Variants in HDGFL2 observed in about 807,000 individuals in gnomAD.
HDGFL2 encodes the protein HDGF like 2.
Under a neutral mutation model 77.1 loss-of-function variants are expected in HDGFL2, and 36 were observed. The ratio of observed to expected loss-of-function variants is 0.47; its 90% CI spans 0.36 to 0.62. The LOEUF (loss-of-function observed/expected upper bound fraction) is 0.62. Among genes scored for constraint, HDGFL2 ranks in the 20% least tolerant of loss-of-function variants. The pLI is 0.00. For missense variants in HDGFL2, 976 were observed against 973.4 expected, an observed-to-expected ratio of 1.00 and a Z score of -0.04; for synonymous variants, 463 against 413.1, an observed-to-expected ratio of 1.12 and a Z score of -1.46.
intron 11 of HDGFL2, 106 bp downstream of exon 11, chr19:4,498,137 G>A: frequency 2.4e-6 from 3 of 1,244,986 alleles, no homozygotes; most frequent in Admixed American, 4.2e-5. Context: ...AGGGTGCTCA[G>A]CACATCCTCG....
At chr19:4,485,120 C>G (rs894313040) in intron 3 of HDGFL2, among the ~76,000 whole-genome samples, 1 of 152,206 alleles carries the variant, frequency 6.6e-6, no homozygotes, top group Non-Finnish European at 1.5e-5. Flanking sequence ...ATATTTTCAA[C>G]GCTTCACAAA....
chr19:4,487,973 C>CT (rs1174394765), intron 3 of HDGFL2, among the ~76,000 whole-genome samples: 2 of 150,442 alleles, frequency 1.3e-5, no homozygotes, highest in East Asian at 3.9e-4. Flanking sequence ...CATTTCTTTT[C>CT]TTTTTTTATT....
rs1329881900 is a variant in HDGFL2 at position 4,493,871 on chromosome 19, C to G, written c.838+9C>G. On this transcript the variant is annotated intron_variant, in intron 7 of 15. Coordinates refer to ENST00000616600, the MANE Select transcript of HDGFL2 (RefSeq NM_001001520.3). ...GAGGGGCAGGAAGCCAGGTAGGGCC[C>G]TCGTGCTCGCACATCTCTTGGCCTG... is the stretch of plus-strand genomic sequence containing the variant. The G allele has an allele frequency of 2.7e-6, 4 of 1,503,626 alleles. No homozygotes were observed. The South Asian group carries it at 5.1e-5, about 19-fold the overall frequency. The allele number at this position is 1,503,626 out of a possible 1,614,324, so 93.1% of individuals were successfully genotyped here.
Position 4,475,277 on chromosome 19 carries a change from C to T in HDGFL2, c.75C>T (p.Ile25=), listed in dbSNP as rs1373330005. The part of the protein sequence containing the change: ...MKGYPHWPAR[I]DDIADGAVKP... ...CCCTCACTGGCCTCTCACTGCAGATCGACGACATCGCGGATGGCGCCGTGA... is the reference window on the plus strand; with the variant it reads ...CCCTCACTGGCCTCTCACTGCAGATTGACGACATCGCGGATGGCGCCGTGA... Residue 25 remains isoleucine (I), a splice_region_variant and synonymous_variant, in exon 2 of 16, where the codon ATC becomes ATT. Transcript: ENST00000616600. 1 of 1,613,954 alleles carries T rather than the reference C, an allele frequency of 6.2e-7. No homozygotes were observed. The highest frequency in any genetic ancestry group is 1.7e-5 in the Admixed American group (1 of 60,002).
In HDGFL2 at chr19:4,499,664, G is replaced by C; in HGVS notation, c.1749G>C (p.Glu583Asp). ...TGGCCGGGGAGGAGCTGGCCGGGGA[G>C]GAGGCCCCCCAGGAGAAGGCGGAGG... Reference protein sequence around the residue: ...EKLAGEELAGEEAPQEKAEDK... With the variant: ...EKLAGEELAGDEAPQEKAEDK... Residue 583 changes from glutamate to aspartate, a missense_variant, in exon 14 of 16, where the codon GAG becomes GAC. Around this residue, in one of 5 missense-constraint regions of HDGFL2, gnomAD observed 229 missense variants for 187.3 expected, o/e 1.22. Transcript: ENST00000616600. 6 of 1,577,404 alleles carry C rather than the reference G, an allele frequency of 3.8e-6. No individual in the cohort carries two copies. The South Asian group carries it at 6.9e-5, about 18-fold the overall frequency.
At chr19:4,476,856 C>T (rs1266886769) in intron 3 of HDGFL2, among the ~76,000 whole-genome samples, 1 of 151,744 alleles carries the variant, frequency 6.6e-6, no homozygotes, top group Admixed American at 6.6e-5. Context: ...CTTTCCTCTG[C>T]TTTAACCACA....
chr19:4,488,631 C>T (rs1417414028), intron 3 of HDGFL2, 45 bp from the exon 4 acceptor site: 4 of 1,504,918 alleles, frequency 2.7e-6, no homozygotes, highest in Non-Finnish European at 3.6e-6. Flanking sequence ...GGGAAATCCA[C>T]CCACGACTGG....
intron 3 of HDGFL2, among the ~76,000 whole-genome samples, chr19:4,480,397 G>A (rs1336635524): frequency 6.6e-6 from 1 of 152,174 alleles, no homozygotes; most frequent in Non-Finnish European, 1.5e-5. Context: ...AGGCCCTGGA[G>A]GATGGGAGTC....
chr19:4,496,173 C>T lies in HDGFL2; in HGVS notation c.1225-129C>T, dbSNP rs1033160805. 1.5e-5 allele frequency: 11 copies of T among 744,414 alleles called. No homozygotes were observed. The African/African-American group carries it at 1.6e-4, about 11-fold the overall frequency. The allele number at this position is 744,414 out of a possible 1,614,324, so 46.1% of individuals were successfully genotyped here. On this transcript the variant is annotated intron_variant, in intron 9 of 15. Transcript: ENST00000616600. ...GTCCTCCCTCCTCTCCCATCCTGCC[C>T]CAGCACCTTCAAACAGTGTGGAGGG...
intron 2 of HDGFL2, 23 bp from the exon 3 acceptor site, chr19:4,475,422 T>C (rs763491241): frequency 1.2e-6 from 2 of 1,613,910 alleles, no homozygotes; most frequent in Non-Finnish European, 8.5e-7. Context: ...CACCTGGGAC[T>C]GGCCCCCGTT....
chr19:4,491,428 T>A, intron 4 of HDGFL2, 138 bp from the exon 5 acceptor site: 1 of 684,596 alleles, frequency 1.5e-6, no homozygotes, highest in Non-Finnish European at 2.6e-6. Context: ...CCTGGTTTGA[T>A]CAGGTTCTCA....
Position 4,472,338 on chromosome 19 carries a change from T to A in HDGFL2, c.-13T>A, listed in dbSNP as rs369828512. ...GCAGCCGCTTTCCGCGGCCTGGGCC[T>A]CTCGCCGTCAGCATGCCACACGCCT... On this transcript the variant is annotated 5_prime_UTR_variant, in exon 1 of 16. Coordinates refer to ENST00000616600, the MANE Select transcript of HDGFL2 (RefSeq NM_001001520.3). 4.0e-5 allele frequency: 60 copies of A among 1,512,024 alleles called. No homozygotes were observed. Among genetic ancestry groups the A allele is most frequent in the Admixed American group, 1.5e-4 (7 of 46,514 alleles). The allele number at this position is 1,512,024 out of a possible 1,614,324, so 93.7% of individuals were successfully genotyped here.
At chr19:4,493,064 GTCT>G in intron 6 of HDGFL2, among the ~76,000 whole-genome samples, 1 of 111,572 alleles carries the variant, frequency 9.0e-6, no homozygotes, top group East Asian at 2.8e-4. Context: ...TGTGTGTGTT[GTCT>G]GTGTGTGGTG....
chr19:4,494,622 T>A, intron 9 of HDGFL2, 147 bp downstream of exon 9: 1 of 570,666 alleles, frequency 1.8e-6, no homozygotes, highest in East Asian at 3.5e-5. Flanking sequence ...GGAGGGGACA[T>A]TCATGGGAGG....
intron 9 of HDGFL2, among the ~76,000 whole-genome samples, chr19:4,495,579 G>A (rs1270930290): frequency 6.6e-6 from 1 of 151,994 alleles, no homozygotes; most frequent in Admixed American, 6.5e-5. Flanking sequence ...GAGGGAAAAG[G>A]AGGGCGGTGG....
intron 3 of HDGFL2, among the ~76,000 whole-genome samples, chr19:4,484,536 G>C (rs1021695995): frequency 6.6e-6 from 1 of 151,148 alleles, no homozygotes; most frequent in African/African-American, 2.4e-5. Flanking sequence ...TCTTCGCTCT[G>C]TTGCCCAGGC....
chr19:4,488,257 C>G (rs773118260), intron 3 of HDGFL2, among the ~76,000 whole-genome samples: 5 of 152,236 alleles, frequency 3.3e-5, no homozygotes, highest in Non-Finnish European at 5.9e-5. Context: ...AGGCGTGAGC[C>G]TCCGCGCCCG....
intron 14 of HDGFL2, among the ~76,000 whole-genome samples, chr19:4,500,270 G>T (rs1975824956): frequency 6.6e-6 from 1 of 152,146 alleles, no homozygotes; most frequent in Non-Finnish European, 1.5e-5. Context: ...GCAGCCGAAG[G>T]CTAGTGTCTT....
At chr19:4,481,577 C>T (rs916313270) in intron 3 of HDGFL2, among the ~76,000 whole-genome samples, 2 of 151,868 alleles carry the variant, frequency 1.3e-5, no homozygotes, top group Admixed American at 6.6e-5. Context: ...CCACCCAACT[C>T]GGCATCCCAA....
Sources: gnomAD v4.1 joint callset for allele counts (sites outside exome capture counted in the v4.1 genomes callset) on GRCh38, gnomAD v4.1.1 for gene constraint, gnomAD v4.1.1 regional missense constraint, MANE v1.5 for transcripts, NCBI Gene and HGNC (gene_info 2026-07-23, HGNC 2026-07-21) for gene names.